PTPN3: variants seen among roughly 807,000 people sequenced by gnomAD.
The protein encoded by PTPN3 is tyrosine-protein phosphatase non-receptor type 3.
In PTPN3, 96 loss-of-function variants were observed where a neutral mutation model predicts 132.7. That is an observed-to-expected ratio of 0.72 (90% CI 0.61 to 0.86). The LOEUF (loss-of-function observed/expected upper bound fraction) is 0.86, where lower values mean the gene tolerates loss of function less well. Among genes scored for constraint, PTPN3 ranks in the 40% least tolerant of loss-of-function variants. The probability of loss-of-function intolerance (pLI) is 0.00; values close to 1 mark genes in which losing one functional copy is unlikely to be tolerated. For missense variants in PTPN3, 1,125 were observed against 1,159.6 expected, an observed-to-expected ratio of 0.97 and a Z score of 0.43; for synonymous variants, 398 against 429.0, an observed-to-expected ratio of 0.93 and a Z score of 0.89.
chr9:109,377,404 ACAC>A lies in PTPN3; in HGVS notation c.*2149_*2151del. The A allele has an allele frequency of 2.3e-5, 1 of 43,486 alleles. No homozygotes were observed. Among genetic ancestry groups the A allele is most frequent in the Non-Finnish European group, 5.1e-5 (1 of 19,800 alleles). The allele number at this position is 43,486 out of a possible 1,614,324, so 2.7% of individuals were successfully genotyped here. A position where few individuals can be genotyped will look rare whatever the true frequency, so the allele number is the denominator to read the frequency against. ...ATCAAGATCCTGTCTCTACACACAC[ACAC>A]ACACACACACACACACACACACACA... is the stretch of plus-strand genomic sequence containing the variant. On this transcript the variant is annotated 3_prime_UTR_variant, in exon 26 of 26. Transcript: ENST00000374541.
intron 8 of PTPN3, 121 bp downstream of exon 8, chr9:109,437,993 C>T (rs1844179919): frequency 1.6e-6 from 2 of 1,260,638 alleles, no homozygotes; most frequent in Admixed American, 5.3e-5. Flanking sequence ...TTCAAAAACC[C>T]CCGACATCTT....
At chr9:109,461,282 C>T (rs1845831756) in intron 2 of PTPN3, among the ~76,000 whole-genome samples, 1 of 152,188 alleles carries the variant, frequency 6.6e-6, no homozygotes, top group African/African-American at 2.4e-5. Flanking sequence ...AATACAGATT[C>T]TCAGGCCCCA....
intron 1 of PTPN3, among the ~76,000 whole-genome samples, chr9:109,482,936 C>A (rs1437333581): frequency 6.6e-6 from 1 of 152,236 alleles, no homozygotes; most frequent in Non-Finnish European, 1.5e-5. Context: ...CTGCTCTAGA[C>A]ACTGCCCGGT....
rs1244321083 is a variant in PTPN3, at chr9:109,403,129, G to A, written c.1953+1319C>T. Reference sequence around the variant, plus strand: ...CCCTGTTGATTGTTTTGGCGGGGAAGTCAGTCACCTTTACTTTTTGGCTTG... The same window carrying A: ...CCCTGTTGATTGTTTTGGCGGGGAAATCAGTCACCTTTACTTTTTGGCTTG... On this transcript the variant is annotated intron_variant, in intron 19 of 25. Coordinates refer to ENST00000374541, the MANE Select transcript of PTPN3 (RefSeq NM_002829.4). Among the ~76,000 whole-genome samples, 13 of 152,294 alleles carry A rather than the reference G, an allele frequency of 8.5e-5. No individual in the cohort carries two copies. In the East Asian group the frequency reaches 2.5e-3, roughly 29 times the overall value.
intron 5 of PTPN3, among the ~76,000 whole-genome samples, chr9:109,452,645 G>C (rs983583983): frequency 6.6e-6 from 1 of 151,720 alleles, no homozygotes; most frequent in Non-Finnish European, 1.5e-5. Context: ...GCTCACTGCA[G>C]CCTTGAACTT....
chr9:109,467,362 T>C (rs1319785296), intron 1 of PTPN3, among the ~76,000 whole-genome samples: 2 of 152,150 alleles, frequency 1.3e-5, no homozygotes, highest in Admixed American at 6.5e-5. Flanking sequence ...AAAACCTGCC[T>C]GTCCCCGCAC....
chr9:109,413,522 T>A (rs1842241188), intron 14 of PTPN3, among the ~76,000 whole-genome samples: 1 of 152,162 alleles, frequency 6.6e-6, no homozygotes, highest in Admixed American at 6.5e-5. Context: ...CTGGGCAGAA[T>A]GCAGTGCGGC....
Position 109,410,313 on chromosome 9 carries a change from G to A in PTPN3, c.1416C>T (p.Gly472=), listed in dbSNP as rs764801671. ...AGTCATCTAAGAGCTGCTGATCAACGCCGTCAGGTGAGCAGGAGCCTGGAG... is the reference window on the plus strand; with the variant it reads ...AGTCATCTAAGAGCTGCTGATCAACACCGTCAGGTGAGCAGGAGCCTGGAG... ...SNAPGSCSPD[G]VDQQLLDDFH... is the part of the protein sequence containing the mutation. The change falls in exon 15 of 26, where the codon GGC becomes GGT. Residue 472 remains glycine (G), a synonymous_variant. Transcript: ENST00000374541. 3.1e-6 allele frequency: 5 copies of A among 1,614,024 alleles called. No homozygotes were observed. Among genetic ancestry groups the A allele is most frequent in the East Asian group, 4.5e-5 (2 of 44,898 alleles).
intron 1 of PTPN3, among the ~76,000 whole-genome samples, chr9:109,467,458 G>A (rs534097294): frequency 1.3e-5 from 2 of 152,262 alleles, no homozygotes; most frequent in East Asian, 3.9e-4. Flanking sequence ...GGAAGACGAG[G>A]ACTAAAGGAG....
At position 109,457,228 on chromosome 9, in the gene PTPN3, A is replaced by G; in HGVS notation, c.247-13T>C. ...CTTCCAGCCATCTCTGTTGGACAAG[A>G]AAACATAAAATATAAAAGCAAACCG... On this transcript the variant is annotated splice_polypyrimidine_tract_variant and intron_variant, in intron 3 of 25. Coordinates refer to ENST00000374541, the MANE Select transcript of PTPN3 (RefSeq NM_002829.4). 6.2e-7 allele frequency: 1 copy of G among 1,613,770 alleles called. No individual in the cohort carries two copies. The highest frequency in any genetic ancestry group is 8.5e-7 in the Non-Finnish European group (1 of 1,179,832).
intron 2 of PTPN3, among the ~76,000 whole-genome samples, chr9:109,457,935 G>A (rs1367543654): frequency 6.6e-6 from 1 of 152,230 alleles, no homozygotes; most frequent in Non-Finnish European, 1.5e-5. Flanking sequence ...CACCCTGTGG[G>A]ATTATCTGCC....
chr9:109,467,207 T>C (rs1001866827), intron 1 of PTPN3, among the ~76,000 whole-genome samples: 8 of 152,164 alleles, frequency 5.3e-5, no homozygotes, highest in African/African-American at 1.9e-4. Context: ...TTTAACCACA[T>C]TGACTTTAAA....
chr9:109,469,488 G>C (rs562972014), intron 1 of PTPN3, among the ~76,000 whole-genome samples: 9 of 152,208 alleles, frequency 5.9e-5, no homozygotes, highest in Non-Finnish European at 1.2e-4. Context: ...GTGTGGTGGG[G>C]CACGCCTGTT....
chr9:109,430,331 T>C (rs1371578471), intron 10 of PTPN3, among the ~76,000 whole-genome samples: 2 of 152,152 alleles, frequency 1.3e-5, no homozygotes. Flanking sequence ...CCCCCACCCC[T>C]GGCTTCATAT....
the PTPN3 span, among the ~76,000 whole-genome samples, chr9:109,504,077 G>A: frequency 8.0e-3 from 1,219 of 152,284 alleles, 27 homozygotes; most frequent in African/African-American, 0.028. Context: ...ATTGAGAAAC[G>A]TAATCTCTTA....
chr9:109,391,265 A>G, intron 20 of PTPN3, 66 bp from the exon 21 acceptor site: 2 of 1,486,908 alleles, frequency 1.3e-6, no homozygotes, highest in Non-Finnish European at 1.9e-6. Context: ...AGTAAACCAG[A>G]GTTCAGTTCC....
At chr9:109,424,673 T>C (rs1481481858) in intron 12 of PTPN3, among the ~76,000 whole-genome samples, 1 of 152,174 alleles carries the variant, frequency 6.6e-6, no homozygotes, top group Non-Finnish European at 1.5e-5. Context: ...ACACCAGGTA[T>C]GCAAGAGAAG....
the PTPN3 span, among the ~76,000 whole-genome samples, chr9:109,535,094 C>T: frequency 6.1e-4 from 93 of 152,052 alleles, no homozygotes; most frequent in South Asian, 0.018. Context: ...GTAGGATGTG[C>T]GAAAAGATGG....
intron 14 of PTPN3, 94 bp from the exon 15 acceptor site, chr9:109,410,509 GTA>G: frequency 1.5e-6 from 2 of 1,365,104 alleles, no homozygotes; most frequent in South Asian, 1.4e-5. Flanking sequence ...GCTGGGGGCT[GTA>G]TGTTTCCCTG....
Sources: allele counts gnomAD v4.1 joint callset (sites outside exome capture counted in the v4.1 genomes callset), GRCh38; gene constraint gnomAD v4.1.1; transcripts MANE v1.5; gene names NCBI Gene and HGNC (gene_info 2026-07-23, HGNC 2026-07-21).